Variants in ABAT observed in about 807,000 individuals in gnomAD.
The protein encoded by ABAT is 4-aminobutyrate aminotransferase, mitochondrial.
A neutral mutation model predicts 64.6 loss-of-function variants in ABAT; 45 were observed. The observed-to-expected ratio is 0.70, with a 90% CI of 0.55 to 0.89. The LOEUF (loss-of-function observed/expected upper bound fraction) is 0.89. Ranked by LOEUF, ABAT falls within the 40% of genes least tolerant of loss-of-function variation. The pLI is 0.00. For synonymous variants in ABAT, 297 were observed against 250.5 expected, an observed-to-expected ratio of 1.19 and a Z score of -1.75; for missense variants, 633 against 658.4, an observed-to-expected ratio of 0.96 and a Z score of 0.42.
intron 1 of ABAT, among the ~76,000 whole-genome samples, chr16:8,709,501 G>T (rs1050424040): frequency 1.1e-4 from 17 of 152,102 alleles, no homozygotes; most frequent in Admixed American, 1.1e-3. Context: ...AACCTCCAGA[G>T]TATCAGGGAT....
In ABAT at chr16:8,776,565, C is replaced by G. The variant is rs1387894977; in HGVS notation, c.1269+75C>G. The G allele has an allele frequency of 6.9e-7, 1 of 1,442,072 alleles. No homozygotes were observed. The highest frequency in any genetic ancestry group is 2.5e-5 in the East Asian group (1 of 40,388). 89.3% of individuals were successfully genotyped at this position (1,442,072 alleles called of 1,614,324 possible). ...CAGCCTCCGGGGCAACACTGGAGCT[C>G]TTCGGCATGGTGTTGTGCCTGCTGT... On this transcript the variant is annotated intron_variant, in intron 14 of 15. Transcript: ENST00000268251. The surrounding 1 kb of genome is among the most constrained non-coding windows in gnomAD (Gnocchi z 4.4).
chr16:8,748,167 G>C, intron 4 of ABAT, 30 bp downstream of exon 4: 2 of 1,605,300 alleles, frequency 1.2e-6, no homozygotes, highest in Non-Finnish European at 8.5e-7. Flanking sequence ...CTTTCCTTCT[G>C]TTGCTTCTTT....
At chr16:8,696,608 A>G (rs1490866856) in intron 1 of ABAT, among the ~76,000 whole-genome samples, 1 of 152,184 alleles carries the variant, frequency 6.6e-6, no homozygotes, top group East Asian at 1.9e-4. Context: ...TGACACAGCG[A>G]GACTCTGTCT....
intron 5 of ABAT, among the ~76,000 whole-genome samples, chr16:8,756,561 A>G (rs1242682996): frequency 6.6e-6 from 1 of 152,190 alleles, no homozygotes; most frequent in African/African-American, 2.4e-5. Flanking sequence ...CCTAATCCCC[A>G]TCTCAATTCC....
chr16:8,686,407 A>G (rs1567270278), intron 1 of ABAT, among the ~76,000 whole-genome samples: 1 of 152,212 alleles, frequency 6.6e-6, no homozygotes, highest in Non-Finnish European at 1.5e-5. Flanking sequence ...AGGGATTCAG[A>G]GGCAGGCTGG....
chr16:8,769,112 C>A, intron 11 of ABAT, 139 bp downstream of exon 11: 1 of 1,225,506 alleles, frequency 8.2e-7, no homozygotes, highest in Non-Finnish European at 1.2e-6. Context: ...AGCAGGGACA[C>A]AGAGGCCTTG....
intron 5 of ABAT, among the ~76,000 whole-genome samples, chr16:8,756,588 T>C (rs147527094): frequency 1.3e-5 from 2 of 152,306 alleles, no homozygotes; most frequent in Non-Finnish European, 2.9e-5. Flanking sequence ...AGAAGCAACC[T>C]GCTTCTTCTA....
At chr16:8,690,673 G>A (rs1218822925) in intron 1 of ABAT, among the ~76,000 whole-genome samples, 1 of 152,104 alleles carries the variant, frequency 6.6e-6, no homozygotes, top group Non-Finnish European at 1.5e-5. Context: ...TTTTAAATTT[G>A]GCAGCCAACA....
At chr16:8,709,169 C>T (rs1486668530) in intron 1 of ABAT, among the ~76,000 whole-genome samples, 2 of 152,016 alleles carry the variant, frequency 1.3e-5, no homozygotes, top group Non-Finnish European at 1.5e-5. Flanking sequence ...TTTGAGGACA[C>T]GTCAGGTTAA....
chr16:8,747,016 A>G (rs1263742832), intron 3 of ABAT, among the ~76,000 whole-genome samples: 1 of 152,210 alleles, frequency 6.6e-6, no homozygotes, highest in Non-Finnish European at 1.5e-5. Context: ...CCAGAAGGCT[A>G]GATGGGGCTT....
chr16:8,702,468 G>A (rs1247266690), intron 1 of ABAT, among the ~76,000 whole-genome samples: 1 of 152,074 alleles, frequency 6.6e-6, no homozygotes, highest in African/African-American at 2.4e-5. Context: ...GGCCAGGCTG[G>A]TCTCGAACTC....
At chr16:8,680,467 C>T (rs2057306415) in intron 1 of ABAT, among the ~76,000 whole-genome samples, 1 of 151,964 alleles carries the variant, frequency 6.6e-6, no homozygotes, top group African/African-American at 2.4e-5. Flanking sequence ...GCTCTGTCAC[C>T]CAGGCTGGAG....
chr16:8,738,521 CTT>C (rs1274421417), intron 2 of ABAT: 2 of 449,042 alleles, frequency 4.5e-6, no homozygotes, highest in African/African-American at 4.0e-5. Flanking sequence ...GTTTCTCAGT[CTT>C]TTCCTTATTC....
At chr16:8,761,932 G>C (rs894507351) in intron 6 of ABAT, among the ~76,000 whole-genome samples, 8 of 152,132 alleles carry the variant, frequency 5.3e-5, no homozygotes, top group African/African-American at 1.9e-4. Flanking sequence ...CTAATATCTG[G>C]ATTCCAATTA....
At chr16:8,689,893 G>A (rs544769007) in intron 1 of ABAT, among the ~76,000 whole-genome samples, 1 of 152,186 alleles carries the variant, frequency 6.6e-6, no homozygotes, top group Non-Finnish European at 1.5e-5. Flanking sequence ...AATGGTGATA[G>A]GGACCAGACC....
chr16:8,729,049 G>A (rs1273922439), intron 1 of ABAT, among the ~76,000 whole-genome samples: 1 of 152,092 alleles, frequency 6.6e-6, no homozygotes, highest in East Asian at 1.9e-4. Flanking sequence ...GCTCACGCCT[G>A]TAATCTCAGC....
At chr16:8,708,171 C>CT (rs58212988) in intron 1 of ABAT, among the ~76,000 whole-genome samples, 105,831 of 151,962 alleles carry the variant, frequency 0.7, 37,550 homozygotes, top group East Asian at 0.85. Context: ...CAAAAGGAGT[C>CT]TGCTGGGAGA....
intron 1 of ABAT, among the ~76,000 whole-genome samples, chr16:8,700,763 T>C (rs1210127328): frequency 6.6e-6 from 1 of 152,114 alleles, no homozygotes. Context: ...ACCTGGCGCA[T>C]TTTAAAACAT....
intron 1 of ABAT, among the ~76,000 whole-genome samples, chr16:8,720,395 AT>A (rs2058333662): frequency 6.6e-6 from 1 of 152,218 alleles, no homozygotes. Flanking sequence ...AGGAATGGAC[AT>A]TTGCCTGTTT....
Sources: allele counts gnomAD v4.1 joint callset (sites outside exome capture counted in the v4.1 genomes callset), GRCh38; gene constraint gnomAD v4.1.1; non-coding constraint Gnocchi (gnomAD v3.1); transcripts MANE v1.5; gene names NCBI Gene and HGNC (gene_info 2026-07-23, HGNC 2026-07-21).